The following FSTL4 variants were observed in gnomAD, a reference collection of about 807,000 sequenced individuals.
FSTL4 encodes follistatin-related protein 4.
In FSTL4, 28 loss-of-function variants were observed where a neutral mutation model predicts 78.2. The observed-to-expected ratio is 0.36, with a 90% CI of 0.27 to 0.49. The LOEUF is 0.49. Ranked by LOEUF, FSTL4 falls within the 20% of genes least tolerant of loss-of-function variation. FSTL4 has a pLI of 0.98. For missense variants in FSTL4, 922 were observed against 1,084.9 expected (o/e 0.85, Z 2.11); for synonymous variants, 422 against 440.5 (o/e 0.96, Z 0.53).
the FSTL4 span, among the ~76,000 whole-genome samples, chr5:133,711,127 C>T: frequency 2.6e-5 from 4 of 152,136 alleles, no homozygotes; most frequent in South Asian, 4.2e-4. Context: ...CTGTTGGGTC[C>T]CAGTGCTGGA....
chr5:133,320,923 T>C (rs571258806), intron 4 of FSTL4, among the ~76,000 whole-genome samples: 101 of 142,966 alleles, frequency 7.1e-4, no homozygotes, highest in Non-Finnish European at 5.8e-4. Flanking sequence ...AGGAGAATGG[T>C]ATGAACCCGG....
chr5:133,534,391 G>A (rs1400386211), intron 3 of FSTL4, among the ~76,000 whole-genome samples: 1 of 152,188 alleles, frequency 6.6e-6, no homozygotes, highest in Non-Finnish European at 1.5e-5. Flanking sequence ...GGGGCAAACT[G>A]AGTTCCAGGA....
At chr5:133,349,249 T>G (rs969687136) in intron 4 of FSTL4, among the ~76,000 whole-genome samples, 2 of 151,576 alleles carry the variant, frequency 1.3e-5, no homozygotes, top group Admixed American at 1.3e-4. Flanking sequence ...TTTTAATTGC[T>G]AAAAGATGGA....
chr5:133,640,986 G>A, the FSTL4 span, among the ~76,000 whole-genome samples: 1 of 152,190 alleles, frequency 6.6e-6, no homozygotes, highest in Non-Finnish European at 1.5e-5. Flanking sequence ...GACTGCTCTT[G>A]CTTTCCTTGG....
intron 4 of FSTL4, among the ~76,000 whole-genome samples, chr5:133,370,116 A>G (rs552963261): frequency 3.0e-4 from 46 of 152,132 alleles, no homozygotes; most frequent in Non-Finnish European, 4.3e-4. Flanking sequence ...GTCACCGTGC[A>G]TGTGGTCATA....
upstream of FSTL4, among the ~76,000 whole-genome samples, chr5:133,615,161 T>A (rs1761175543): frequency 6.6e-6 from 1 of 152,194 alleles, no homozygotes; most frequent in South Asian, 2.1e-4. Context: ...TAACTGTGGG[T>A]CAGCTTACCC....
chr5:133,629,383 C>A, the FSTL4 span, among the ~76,000 whole-genome samples: 1 of 152,152 alleles, frequency 6.6e-6, no homozygotes, highest in African/African-American at 2.4e-5. Context: ...TGTAAATAAG[C>A]TAGAAAATCT....
chr5:133,421,101 C>T lies in FSTL4; in HGVS notation c.161-20115G>A, dbSNP rs571351835. Among the ~76,000 whole-genome samples, 18 of 152,346 alleles carry T rather than the reference C, an allele frequency of 1.2e-4. No individual in the cohort carries two copies. In the South Asian group the frequency reaches 3.3e-3, roughly 28 times the overall value. ...TCACATTGAGGGAGGGAGCATTCTG[C>T]CATTGCCCTCCACCCCTGGCAGGGG... On this transcript the variant is annotated intron_variant, in intron 3 of 15. Transcript: ENST00000265342.
chr5:133,682,060 T>C, the FSTL4 span, among the ~76,000 whole-genome samples: 3 of 152,168 alleles, frequency 2.0e-5, no homozygotes, highest in East Asian at 3.9e-4. Flanking sequence ...CTCAGTGCTT[T>C]GTGATACAGT....
chr5:133,836,701 G>A, the FSTL4 span, among the ~76,000 whole-genome samples: 5 of 151,496 alleles, frequency 3.3e-5, no homozygotes, highest in South Asian at 2.1e-4. Context: ...ATGTGTCTCC[G>A]AAGTTTTTCA....
chr5:133,591,128 C>A (rs1157578911), intron 2 of FSTL4, among the ~76,000 whole-genome samples: 1 of 152,162 alleles, frequency 6.6e-6, no homozygotes, highest in Non-Finnish European at 1.5e-5. Context: ...TAGTGACTGG[C>A]AAAATGCAAG....
At chr5:133,815,701 T>C in the FSTL4 span, among the ~76,000 whole-genome samples, 1 of 152,204 alleles carries the variant, frequency 6.6e-6, no homozygotes, top group African/African-American at 2.4e-5. Flanking sequence ...TATTTTTAAA[T>C]ATTTTCCCCC....
chr5:133,662,461 A>G, the FSTL4 span, among the ~76,000 whole-genome samples: 1 of 152,190 alleles, frequency 6.6e-6, no homozygotes. Flanking sequence ...CAACCCTAGC[A>G]TACAGACCCC....
chr5:133,624,785 T>G, the FSTL4 span, among the ~76,000 whole-genome samples: 1 of 151,854 alleles, frequency 6.6e-6, no homozygotes, highest in East Asian at 1.9e-4. Context: ...TTCTTGGTCT[T>G]TTATCTTTCT....
intron 4 of FSTL4, among the ~76,000 whole-genome samples, chr5:133,350,627 A>C (rs937588213): frequency 6.6e-6 from 1 of 152,196 alleles, no homozygotes; most frequent in Non-Finnish European, 1.5e-5. Flanking sequence ...ACAAATGATA[A>C]GTTTTGCTGT....
chr5:133,782,740 T>G, the FSTL4 span, among the ~76,000 whole-genome samples: 15 of 152,346 alleles, frequency 9.8e-5, no homozygotes, highest in Middle Eastern at 3.4e-3. Context: ...GTTAGTATTT[T>G]TGTCATCCAC....
chr5:133,225,602 C>T lies in FSTL4; in HGVS notation c.1177+56G>A. The stretch of plus-strand genomic sequence containing the variant: ...TACCTCTCGTTTCCATTCCTGGAGT[C>T]TCAGCTTGATTTGAATGGGAATATC... On this transcript the variant is annotated intron_variant, in intron 9 of 15. Coordinates refer to ENST00000265342, the MANE Select transcript of FSTL4 (RefSeq NM_015082.2). This position sits in a 1 kb window ranked among gnomAD's most constrained non-coding sequence, Gnocchi z 4.6. 1 of 1,437,994 alleles carries T rather than the reference C, an allele frequency of 7.0e-7. No individual in the cohort carries two copies. Among genetic ancestry groups the T allele is most frequent in the Non-Finnish European group, 9.5e-7 (1 of 1,057,584 alleles). 89.1% of individuals were successfully genotyped at this position (1,437,994 alleles called of 1,614,324 possible). A position where few individuals can be genotyped will look rare whatever the true frequency, so the allele number is the denominator to read the frequency against.
chr5:133,505,315 T>C (rs933623387), intron 3 of FSTL4, among the ~76,000 whole-genome samples: 2 of 152,232 alleles, frequency 1.3e-5, no homozygotes, highest in Admixed American at 6.5e-5. Context: ...ACAGGCATTG[T>C]GTCTGAGGTT....
chr5:133,530,589 CATA>C (rs1759230970), intron 3 of FSTL4, among the ~76,000 whole-genome samples: 1 of 152,186 alleles, frequency 6.6e-6, no homozygotes, highest in Admixed American at 6.5e-5. Flanking sequence ...AAGACACAGG[CATA>C]ATATCTTGCA....
Sources: allele counts gnomAD v4.1 joint callset (sites outside exome capture counted in the v4.1 genomes callset), GRCh38; gene constraint gnomAD v4.1.1; non-coding constraint Gnocchi (gnomAD v3.1); transcripts MANE v1.5; gene names NCBI Gene and HGNC (gene_info 2026-07-23, HGNC 2026-07-21).